COL18A1: variants seen among roughly 807,000 people sequenced by gnomAD.
COL18A1 encodes the protein collagen type XVIII alpha 1 chain.
In COL18A1, 133 loss-of-function variants were observed where a neutral mutation model predicts 168.0. That is an observed-to-expected ratio of 0.79 (90% CI 0.69 to 0.91). The LOEUF (loss-of-function observed/expected upper bound fraction) is 0.91. Ranked by LOEUF, COL18A1 falls within the 40% of genes least tolerant of loss-of-function variation. COL18A1 has a pLI of 0.00. For missense variants in COL18A1, 2,126 were observed against 1,925.4 expected, an observed-to-expected ratio of 1.10 and a Z score of -1.95; for synonymous variants, 949 against 809.0, an observed-to-expected ratio of 1.17 and a Z score of -2.94.
chr21:45,426,520 C>T (rs1210041020), intron 2 of COL18A1, among the ~76,000 whole-genome samples: 27 of 152,212 alleles, frequency 1.8e-4, no homozygotes, highest in Admixed American at 1.6e-3. Flanking sequence ...ACCCCTGCAG[C>T]GCTCCCCCAT....
chr21:45,408,633 C>A (rs2033193568), intron 2 of COL18A1: 1 of 152,230 alleles, frequency 6.6e-6, no homozygotes, highest in Non-Finnish European at 1.5e-5. Context: ...AGAGAGGGGC[C>A]CCCACAACAC....
intron 16 of COL18A1, 26 bp downstream of exon 16, chr21:45,487,018 C>G: frequency 6.7e-7 from 1 of 1,496,896 alleles, no homozygotes; most frequent in East Asian, 2.4e-5. Context: ...ACCTGACCCC[C>G]TGGAGAGCCG....
rs1409254513 is a variant in COL18A1, at chr21:45,497,092, G to A, written c.2620G>A (p.Gly874Arg). 1 of 1,580,196 alleles carries A rather than the reference G, an allele frequency of 6.3e-7. No individual in the cohort carries two copies. Among genetic ancestry groups the A allele is most frequent in the Admixed American group, 1.7e-5 (1 of 59,996 alleles). ...CCGCCCCGGGCCTCCAGGATTGCCA[G>A]GTGAGGGTCCTGGGCTCACAGCTGG... is the stretch of plus-strand genomic sequence containing the variant. ...SSRPGPPGLP[G>R]NQGPPGPKGA... Residue 874 changes from glycine to arginine, a missense_variant and splice_region_variant, in exon 31 of 42, where the codon GGG (glycine) becomes AGG (arginine). Transcript: ENST00000651438.
intron 32 of COL18A1, 111 bp from the exon 33 acceptor site, chr21:45,503,900 C>A: frequency 9.0e-7 from 1 of 1,115,052 alleles, no homozygotes; most frequent in Non-Finnish European, 1.4e-6. Flanking sequence ...ATCTCTACCG[C>A]GAAATGGCTA....
chr21:45,507,659 CT>C, intron 38 of COL18A1, 66 bp downstream of exon 38: 1 of 1,465,276 alleles, frequency 6.8e-7, no homozygotes, highest in Non-Finnish European at 9.5e-7. Flanking sequence ...GTGCTGTCCC[CT>C]GTTTGAGGAA....
rs773888493 is a variant in COL18A1 at position 45,480,813 on chromosome 21, T to G, written c.1566T>G (p.Pro522=). 2 of 1,612,028 alleles carry G rather than the reference T, an allele frequency of 1.2e-6. No homozygotes were observed. Among genetic ancestry groups the G allele is most frequent in the Non-Finnish European group, 1.7e-6 (2 of 1,179,746 alleles). Residue 522 remains proline (P), a synonymous_variant, in exon 13 of 42, where the codon CCT becomes CCG. Transcript: ENST00000651438. The part of the protein sequence containing the change: ...SSDVPGPAGL[P]GVPGREGPPG... ...ACGTCCCAGGACCCGCCGGCCTTCC[T>G]GGTGTGCCTGGGCGCGAGGGTCCCC...
At chr21:45,436,089 G>A (rs796210134) in intron 2 of COL18A1, among the ~76,000 whole-genome samples, 11 of 152,354 alleles carry the variant, frequency 7.2e-5, no homozygotes, top group African/African-American at 2.2e-4. Flanking sequence ...AATGTGCAGC[G>A]TTTGCAGACA....
rs1477599002 is a variant in COL18A1 at position 45,507,379 on chromosome 21, G to A, written c.3217-182G>A. ...ACCCTGCTGTGGACTGGGAGGGCCG[G>A]GTGCTGGGCAGGGAGCGTACCCTGG... On this transcript the variant is annotated intron_variant, in intron 37 of 41. Transcript: ENST00000651438. The A allele has an allele frequency of 7.5e-6, 5 of 664,976 alleles. No individual in the cohort carries two copies. In the Admixed American group the frequency reaches 8.9e-5, roughly 12 times the overall value. The allele number at this position is 664,976 out of a possible 1,614,324, so 41.2% of individuals were successfully genotyped here.
intron 4 of COL18A1, among the ~76,000 whole-genome samples, chr21:45,474,249 A>AGG (rs2035548529): frequency 8.7e-6 from 1 of 114,900 alleles, no homozygotes; most frequent in Non-Finnish European, 1.7e-5. Flanking sequence ...CAGCTCAGCA[A>AGG]AGTGTGTGTG....
intron 6 of COL18A1, 38 bp from the exon 7 acceptor site, chr21:45,477,373 G>A: frequency 6.4e-7 from 1 of 1,573,122 alleles, no homozygotes; most frequent in Non-Finnish European, 8.7e-7. Flanking sequence ...GGGCCACCCG[G>A]GGGGCGTGAC....
intron 32 of COL18A1, among the ~76,000 whole-genome samples, chr21:45,501,576 C>T (rs1850487794): frequency 6.6e-6 from 1 of 152,138 alleles, no homozygotes; most frequent in Non-Finnish European, 1.5e-5. Context: ...TAGGTGCGTC[C>T]AGGGCATCCT....
At chr21:45,511,813 A>G (rs9975694) in intron 41 of COL18A1, among the ~76,000 whole-genome samples, 76,633 of 152,088 alleles carry the variant, frequency 0.5, 20,008 homozygotes, top group African/African-American at 0.64. Flanking sequence ...TGCTGTGGGC[A>G]GGGCTGGGCC....
Position 45,477,864 on chromosome 21 carries a change from C to T in COL18A1, c.1120C>T (p.Pro374Ser). 1 of 1,553,608 alleles carries T rather than the reference C, an allele frequency of 6.4e-7. No homozygotes were observed. The highest frequency in any genetic ancestry group is 1.2e-5 in the South Asian group (1 of 84,316). ...GPPGLPCPVS[P>S]LGPAGPALQT... ...CCCGGGTCTCCCGTGCCCAGTGAGT[C>T]CCCTGGGTCCTGCAGGCCCAGCGTT... Residue 374 changes from proline to serine, a missense_variant, in exon 8 of 42, where the codon CCC (proline) becomes TCC (serine). Transcript: ENST00000651438.
At chr21:45,447,661 A>G (rs1231881234) in intron 2 of COL18A1, among the ~76,000 whole-genome samples, 2 of 152,190 alleles carry the variant, frequency 1.3e-5, no homozygotes, top group Non-Finnish European at 2.9e-5. Flanking sequence ...ATTGAATTTC[A>G]AGGAACCCAG....
chr21:45,490,433 C>T, intron 20 of COL18A1, 87 bp downstream of exon 20: 1 of 1,189,032 alleles, frequency 8.4e-7, no homozygotes, highest in South Asian at 1.3e-5. Context: ...ACGAGATGTG[C>T]CCTCCCGGGT....
At chr21:45,484,082 T>TG (rs1568913461) in intron 15 of COL18A1, among the ~76,000 whole-genome samples, 3 of 73,122 alleles carry the variant, frequency 4.1e-5, no homozygotes, top group East Asian at 4.1e-4. Context: ...CCAGCATATG[T>TG]ACACACACAC....
intron 22 of COL18A1, among the ~76,000 whole-genome samples, 189 bp from the exon 23 acceptor site, chr21:45,492,344 CTG>C (rs1418857227): frequency 6.6e-6 from 1 of 152,232 alleles, no homozygotes; most frequent in Non-Finnish European, 1.5e-5. Context: ...CGTCTGGAGT[CTG>C]CATCCAGCTG....
chr21:45,433,757 C>A (rs1465539243), intron 2 of COL18A1, among the ~76,000 whole-genome samples: 1 of 152,208 alleles, frequency 6.6e-6, no homozygotes, highest in Admixed American at 6.5e-5. Flanking sequence ...TTTGGCCAGC[C>A]GTGTGACTGT....
chr21:45,459,307 C>T (rs531859820), intron 2 of COL18A1, among the ~76,000 whole-genome samples: 2 of 152,238 alleles, frequency 1.3e-5, no homozygotes, highest in South Asian at 2.1e-4. Flanking sequence ...GAGGGGGAGC[C>T]CAGCCTGACC....
Sources: gnomAD v4.1 joint callset for allele counts (sites outside exome capture counted in the v4.1 genomes callset) on GRCh38, gnomAD v4.1.1 for gene constraint, MANE v1.5 for transcripts, NCBI Gene and HGNC (gene_info 2026-07-23, HGNC 2026-07-21) for gene names.